SHROOM4: variants seen among roughly 807,000 people sequenced by gnomAD.
The protein encoded by SHROOM4 is protein Shroom4.
In SHROOM4, 17 loss-of-function variants were observed where a neutral mutation model predicts 80.3. The ratio of observed to expected loss-of-function variants is 0.21; its 90% CI spans 0.14 to 0.32. The LOEUF (loss-of-function observed/expected upper bound fraction) is 0.32. SHROOM4 is among the 10% of genes least tolerant of loss of function. SHROOM4 has a pLI of 1.00. For missense variants in SHROOM4, 993 were observed against 1,140.3 expected, an observed-to-expected ratio of 0.87 and a Z score of 1.86; for synonymous variants, 400 against 437.5, an observed-to-expected ratio of 0.91 and a Z score of 1.07.
chrX:50,630,801 G>A (rs1210131702), intron 4 of SHROOM4, among the ~76,000 whole-genome samples: 3 of 111,437 alleles, frequency 2.7e-5, no homozygotes, highest in African/African-American at 9.8e-5. Flanking sequence ...TAAATGAAAT[G>A]GACAAATTTC....
At chrX:50,740,941 T>C (rs1471569348) in intron 1 of SHROOM4, among the ~76,000 whole-genome samples, 3 of 111,979 alleles carry the variant, frequency 2.7e-5, no homozygotes, top group Non-Finnish European at 3.8e-5. Context: ...TTTAAGTCTT[T>C]AATCTATTTT....
intron 2 of SHROOM4, among the ~76,000 whole-genome samples, chrX:50,675,286 T>C (rs1326002925): frequency 3.6e-5 from 4 of 111,569 alleles, no homozygotes; most frequent in Non-Finnish European, 7.6e-5. Context: ...CAAGTTTACC[T>C]ATTAACTCTT....
chrX:50,794,854 C>A (rs1935927812), intron 1 of SHROOM4, among the ~76,000 whole-genome samples: 1 of 101,969 alleles, frequency 9.8e-6, no homozygotes, highest in African/African-American at 3.6e-5. Context: ...TAATATTGTT[C>A]CTCATTTGGC....
chrX:50,624,425 G>C (rs113840277), intron 5 of SHROOM4, among the ~76,000 whole-genome samples: 4,734 of 109,817 alleles, frequency 0.043, 238 homozygotes, highest in African/African-American at 0.15. Flanking sequence ...CTCATCCTGT[G>C]CCCTGGCTGG....
At position 50,634,576 on chromosome X, in the gene SHROOM4, C is replaced by T. The variant is rs781887914; in HGVS notation, c.1497G>A (p.Glu499=). Residue 499 remains glutamate (E), a synonymous_variant, in exon 4 of 9, where the codon GAG becomes GAA. Transcript: ENST00000376020. The part of the protein sequence containing the change: ...HQSQSSPPHG[E]ADGHPSEKGF... ...CTTTTTCTGAGGGGTGTCCATCAGC[C>T]TCTCCATGTGGGGGACTGCTTTGGC... is the stretch of plus-strand genomic sequence containing the variant. The T allele has an allele frequency of 5.0e-6, 6 of 1,211,993 alleles. No individual in the cohort carries two copies. The East Asian group carries it at 1.8e-4, about 36-fold the overall frequency.
intron 1 of SHROOM4, among the ~76,000 whole-genome samples, chrX:50,791,577 C>CT (rs782127144): frequency 0.041 from 2,390 of 57,928 alleles, 440 homozygotes; most frequent in African/African-American, 0.14. Context: ...CCATGCCTGA[C>CT]TTTTTTTTTT....
In SHROOM4 at chrX:50,759,857, T is replaced by G. The variant is rs190897198; in HGVS notation, c.117+54045A>C. 3.6e-5 allele frequency among the ~76,000 whole-genome samples: 4 copies of G among 112,075 alleles called. No individual in the cohort carries two copies. The East Asian group carries it at 1.1e-3, about 31-fold the overall frequency. Reference sequence around the variant, plus strand: ...GTATATTGTTTAATTCCCACATATTTGTGAATTTCCCAAATTTCCATCTGT... The same window carrying G: ...GTATATTGTTTAATTCCCACATATTGGTGAATTTCCCAAATTTCCATCTGT... On this transcript the variant is annotated intron_variant, in intron 1 of 8. Coordinates refer to ENST00000376020, the MANE Select transcript of SHROOM4 (RefSeq NM_020717.5).
In SHROOM4 at chrX:50,732,276, G is replaced by C. The variant is rs782471104; in HGVS notation, c.118-36339C>G. On this transcript the variant is annotated intron_variant, in intron 1 of 8. Transcript: ENST00000376020. The stretch of plus-strand genomic sequence containing the variant: ...AAGATTTAAGACTGCGTGTGTGCTG[G>C]AGGGGTAAACTTCACTAAAATAATC... Among the ~76,000 whole-genome samples, 10 of 111,386 alleles carry C rather than the reference G, an allele frequency of 9.0e-5. No individual in the cohort carries two copies. In the East Asian group the frequency reaches 2.5e-3, roughly 28 times the overall value.
At chrX:50,765,536 G>A (rs1321453862) in intron 1 of SHROOM4, among the ~76,000 whole-genome samples, 1 of 111,736 alleles carries the variant, frequency 8.9e-6, no homozygotes, top group Non-Finnish European at 1.9e-5. Flanking sequence ...CTAACTACTT[G>A]AAAGGGAGAA....
At chrX:50,604,401 G>C (rs1929578295) in intron 6 of SHROOM4, among the ~76,000 whole-genome samples, 1 of 111,951 alleles carries the variant, frequency 8.9e-6, no homozygotes. Flanking sequence ...CCTGCAATTT[G>C]CACCTGGACA....
intron 2 of SHROOM4, among the ~76,000 whole-genome samples, chrX:50,667,247 T>G (rs1932720620): frequency 8.9e-6 from 1 of 111,809 alleles, no homozygotes; most frequent in Non-Finnish European, 1.9e-5. Flanking sequence ...TGTTAAGTAA[T>G]AGACTGGTGA....
chrX:50,626,716 G>C (rs1315522722), intron 5 of SHROOM4, among the ~76,000 whole-genome samples: 2 of 111,900 alleles, frequency 1.8e-5, no homozygotes, highest in African/African-American at 6.5e-5. Flanking sequence ...CAGAGTTGTT[G>C]GGAAGATAAA....
chrX:50,785,959 C>T (rs1935730627), intron 1 of SHROOM4, among the ~76,000 whole-genome samples: 2 of 110,547 alleles, frequency 1.8e-5, no homozygotes, highest in Non-Finnish European at 3.8e-5. Flanking sequence ...AATAGAAAAC[C>T]CTCAACTCTC....
chrX:50,708,951 A>G (rs1307181374), intron 1 of SHROOM4, among the ~76,000 whole-genome samples: 3 of 111,739 alleles, frequency 2.7e-5, no homozygotes, highest in Non-Finnish European at 5.6e-5. Context: ...CAGGCAAAAT[A>G]GGTAAATGTT....
chrX:50,772,774 CTCCATCCA>C (rs1296532536), intron 1 of SHROOM4, among the ~76,000 whole-genome samples: 4 of 111,629 alleles, frequency 3.6e-5, no homozygotes, highest in African/African-American at 1.3e-4. Flanking sequence ...CGTTTTCTTC[CTCCATCCA>C]TCCATCCATT....
intron 1 of SHROOM4, among the ~76,000 whole-genome samples, chrX:50,735,506 A>G (rs1275743155): frequency 4.5e-5 from 5 of 111,916 alleles, no homozygotes; most frequent in African/African-American, 1.6e-4. Flanking sequence ...GAGCTTCAAA[A>G]GACACTATAA....
chrX:50,656,843 A>G (rs1338775379), intron 2 of SHROOM4, among the ~76,000 whole-genome samples: 1 of 111,259 alleles, frequency 9.0e-6, no homozygotes, highest in African/African-American at 3.3e-5. Context: ...AGCAGTATGG[A>G]CATTTTAATG....
intron 1 of SHROOM4, among the ~76,000 whole-genome samples, chrX:50,736,268 G>A (rs1557266696): frequency 1.8e-5 from 2 of 110,996 alleles, no homozygotes; most frequent in African/African-American, 3.3e-5. Context: ...TTTATTTTAA[G>A]TTCTGGGGTT....
intron 4 of SHROOM4, among the ~76,000 whole-genome samples, chrX:50,631,065 C>CA (rs60163061): frequency 2.2e-3 from 238 of 108,494 alleles, no homozygotes; most frequent in Middle Eastern, 4.7e-3. Flanking sequence ...TACAAACAAA[C>CA]AAAAAAAACA....
Sources: allele counts gnomAD v4.1 joint callset (sites outside exome capture counted in the v4.1 genomes callset), GRCh38; gene constraint gnomAD v4.1.1; transcripts MANE v1.5; gene names NCBI Gene and HGNC (gene_info 2026-07-23, HGNC 2026-07-21).